ADGRL2: variants seen among roughly 807,000 people sequenced by gnomAD.
ADGRL2 encodes the protein calcium-independent alpha-latrotoxin receptor 2.
A neutral mutation model predicts 157.4 loss-of-function variants in ADGRL2; 44 were observed. That is an observed-to-expected ratio of 0.28 (90% CI 0.22 to 0.36). The LOEUF (loss-of-function observed/expected upper bound fraction) is 0.36, where lower values mean the gene tolerates loss of function less well. Ranked by LOEUF, ADGRL2 falls within the 10% of genes least tolerant of loss-of-function variation. The pLI is 1.00. For synonymous variants in ADGRL2, 585 were observed against 624.7 expected (o/e 0.94, Z 0.95); for missense variants, 1,510 against 1,768.9 (o/e 0.85, Z 2.63).
chr1:81,732,192 A>G (rs1009232613), intron 1 of ADGRL2, among the ~76,000 whole-genome samples: 1 of 152,216 alleles, frequency 6.6e-6, no homozygotes, highest in Non-Finnish European at 1.5e-5. Context: ...ACCTGCTGCC[A>G]ACTATTGTTA....
chr1:81,904,573 A>G (rs960209383), intron 2 of ADGRL2, among the ~76,000 whole-genome samples: 3 of 152,190 alleles, frequency 2.0e-5, no homozygotes, highest in Non-Finnish European at 4.4e-5. Flanking sequence ...AAGGGAATGC[A>G]AAAAACTAAT....
chr1:81,682,299 C>T (rs1021956845), intron 3 of ADGRL2, among the ~76,000 whole-genome samples: 1 of 151,988 alleles, frequency 6.6e-6, no homozygotes, highest in Non-Finnish European at 1.5e-5. Flanking sequence ...GGCTGGTAAT[C>T]GGCTTAAATT....
chr1:81,827,768 T>A (rs568451302), intron 1 of ADGRL2, among the ~76,000 whole-genome samples: 1 of 152,248 alleles, frequency 6.6e-6, no homozygotes, highest in East Asian at 1.9e-4. Flanking sequence ...TTTCACCAAG[T>A]TGTCCAGGCT....
At chr1:81,934,154 G>C (rs1451064673) in intron 3 of ADGRL2, among the ~76,000 whole-genome samples, 1 of 152,002 alleles carries the variant, frequency 6.6e-6, no homozygotes, top group African/African-American at 2.4e-5. Flanking sequence ...TGTGTAATGT[G>C]ATTATTTAAA....
intron 3 of ADGRL2, among the ~76,000 whole-genome samples, chr1:81,656,282 G>T (rs1353729669): frequency 1.3e-5 from 2 of 152,100 alleles, no homozygotes; most frequent in Non-Finnish European, 2.9e-5. Flanking sequence ...TGTGTAGTAG[G>T]CATCCTCTCC....
Position 81,863,020 on chromosome 1 carries a change from T to C in ADGRL2, c.73+25963T>C, listed in dbSNP as rs140488704. On this transcript the variant is annotated intron_variant, in intron 2 of 23. Coordinates refer to ENST00000686636, the MANE Select transcript of ADGRL2 (RefSeq NM_001366006.2). ...CTGATTTTTGGCATCATGTTTATAC[T>C]TTTTCAAGGGAATATTCTGTATAGA... Among the ~76,000 whole-genome samples the C allele has an allele frequency of 7.4e-3, 1,123 of 152,318 alleles. 9 individuals are homozygous for C. Among genetic ancestry groups the C allele is most frequent in the African/African-American group, 0.026 (1,077 of 41,574 alleles).
At chr1:81,415,216 T>C (rs562318786) in intron 1 of ADGRL2, among the ~76,000 whole-genome samples, 1 of 152,382 alleles carries the variant, frequency 6.6e-6, no homozygotes, top group African/African-American at 2.4e-5. Context: ...TTTGTTTATA[T>C]GTTGCAATTA....
At chr1:81,429,279 T>C (rs939658206) in intron 1 of ADGRL2, among the ~76,000 whole-genome samples, 6 of 151,088 alleles carry the variant, frequency 4.0e-5, no homozygotes, top group Non-Finnish European at 7.4e-5. Context: ...TACTGTTACC[T>C]TTTTTTTTAA....
chr1:81,573,703 G>C (rs924304356), intron 2 of ADGRL2, among the ~76,000 whole-genome samples: 2 of 152,118 alleles, frequency 1.3e-5, no homozygotes, highest in Non-Finnish European at 2.9e-5. Flanking sequence ...TGAAAGATAA[G>C]ATCACGCCAT....
At chr1:81,528,646 CAAAAAAAAAAAAAAAAAA>C (rs59842382) in intron 2 of ADGRL2, among the ~76,000 whole-genome samples, 47 of 114,640 alleles carry the variant, frequency 4.1e-4, no homozygotes, top group Non-Finnish European at 3.7e-4. Flanking sequence ...GACTCCATCT[CAAAAAAAAAAAAAAAAAA>C]AAAAAAAAAA....
At chr1:81,703,406 A>G (rs1219385898) in intron 1 of ADGRL2, among the ~76,000 whole-genome samples, 1 of 152,134 alleles carries the variant, frequency 6.6e-6, no homozygotes, top group Non-Finnish European at 1.5e-5. Flanking sequence ...TATGCTAGCT[A>G]GAGAGTTTTT....
rs545760556 is a variant in ADGRL2 at position 81,721,237 on chromosome 1, CTCTCA to C, written c.-143+21434_-143+21438del. ...CATTTATCTGTATAATTGCATGTCA[CTCTCA>C]TCTCTGAATTATAATCAAAATTTAA... On this transcript the variant is annotated intron_variant, in intron 1 of 20. Coordinates refer to the ADGRL2 transcript ENST00000359929. Among the ~76,000 whole-genome samples, 8 of 152,108 alleles carry C rather than the reference CTCTCA, an allele frequency of 5.3e-5. No homozygotes were observed. The South Asian group carries it at 1.7e-3, about 32-fold the overall frequency.
intron 2 of ADGRL2, chr1:81,505,966 C>T (rs570795714): frequency 2.0e-4 from 44 of 219,280 alleles, no homozygotes; most frequent in Middle Eastern, 2.1e-3. Flanking sequence ...GCACGTAAAT[C>T]AGATCCTTTC....
At chr1:81,335,665 T>G (rs193181065) in intron 1 of ADGRL2, among the ~76,000 whole-genome samples, 1 of 152,298 alleles carries the variant, frequency 6.6e-6, no homozygotes, top group East Asian at 1.9e-4. Flanking sequence ...CCATTTTCCC[T>G]AATATCTAAA....
intron 1 of ADGRL2, among the ~76,000 whole-genome samples, chr1:81,395,454 C>T (rs2076638373): frequency 6.6e-6 from 1 of 152,138 alleles, no homozygotes; most frequent in Non-Finnish European, 1.5e-5. Flanking sequence ...AATAGTTTGT[C>T]AGATGAATAC....
In ADGRL2 at chr1:81,524,556, A is replaced by G. The variant is rs116459098; in HGVS notation, c.-247-56320A>G. On this transcript the variant is annotated intron_variant, in intron 2 of 24. Transcript: ENST00000370721. ...TAGGAAAGAACCTAAATAGGAAGAC[A>G]TCAATAGAAGACAGTTTAAACACGT... Among the ~76,000 whole-genome samples the G allele has an allele frequency of 3.1e-3, 473 of 152,330 alleles. 2 individuals are homozygous for G. Among genetic ancestry groups the G allele is most frequent in the African/African-American group, 0.011 (443 of 41,578 alleles).
intron 1 of ADGRL2, among the ~76,000 whole-genome samples, chr1:81,344,193 C>T (rs973610081): frequency 5.9e-5 from 9 of 152,112 alleles, no homozygotes; most frequent in African/African-American, 2.2e-4. Flanking sequence ...CTGAGCCTCC[C>T]AAATAGCTTG....
At chr1:81,981,086 T>A (rs1661537858) in intron 18 of ADGRL2, 1 of 444,690 alleles carries the variant, frequency 2.2e-6, no homozygotes, top group Non-Finnish European at 4.3e-6. Context: ...TTCTGTCTAA[T>A]AATTTTGTTT....
At chr1:81,479,998 G>A (rs1162362294) in intron 2 of ADGRL2, among the ~76,000 whole-genome samples, 1 of 152,082 alleles carries the variant, frequency 6.6e-6, no homozygotes, top group East Asian at 1.9e-4. Flanking sequence ...ATTTTTTGTA[G>A]GTAAGGAAAC....
Sources: gnomAD v4.1 joint callset for allele counts (sites outside exome capture counted in the v4.1 genomes callset) on GRCh38, gnomAD v4.1.1 for gene constraint, MANE v1.5 for transcripts, NCBI Gene and HGNC (gene_info 2026-07-23, HGNC 2026-07-21) for gene names.